Variants in ABLIM3 observed in about 807,000 individuals in gnomAD.
ABLIM3 encodes the protein actin-binding LIM protein 3.
ABLIM3 carries 61 observed loss-of-function variants against 109.5 expected under a neutral mutation model. The observed-to-expected ratio is 0.56, with a 90% confidence interval of 0.45 to 0.69. The LOEUF (loss-of-function observed/expected upper bound fraction) is 0.69. Among genes scored for constraint, ABLIM3 ranks in the 30% least tolerant of loss-of-function variants. The pLI, the probability that ABLIM3 is intolerant of heterozygous loss-of-function variation, is 0.00. For synonymous variants in ABLIM3, 300 were observed against 324.8 expected, an observed-to-expected ratio of 0.92 and a Z score of 0.82; for missense variants, 796 against 889.5, an observed-to-expected ratio of 0.89 and a Z score of 1.34.
chr5:149,193,197 T>C (rs10463415), intron 3 of ABLIM3, among the ~76,000 whole-genome samples: 46,556 of 151,970 alleles, frequency 0.31, 7,451 homozygotes, highest in East Asian at 0.52. Flanking sequence ...TTTTAGATTA[T>C]TGTGGTTGGC....
At chr5:149,159,064 G>C (rs1458642451) in intron 2 of ABLIM3, among the ~76,000 whole-genome samples, 2 of 152,124 alleles carry the variant, frequency 1.3e-5, no homozygotes, top group Non-Finnish European at 2.9e-5. Context: ...TCTGCAAAAA[G>C]ATTTATGCAA....
At chr5:149,194,677 G>A (rs929116837) in intron 3 of ABLIM3, among the ~76,000 whole-genome samples, 1 of 152,124 alleles carries the variant, frequency 6.6e-6, no homozygotes, top group Non-Finnish European at 1.5e-5. Flanking sequence ...AGCAGGCACG[G>A]GACAATTGCA....
chr5:149,248,689 C>CAAAAAAAAAAAAAAAAAAAAAAAAAAA (rs10659679), intron 18 of ABLIM3, among the ~76,000 whole-genome samples: 1 of 79,000 alleles, frequency 1.3e-5, no homozygotes, highest in Non-Finnish European at 2.3e-5. Context: ...GACTCTCTCT[C>CAAAAAAAAAAAAAAAAAAAAAAAAAAA]AAAAAAAAAA....
At chr5:149,170,684 C>T (rs1755332724) in intron 2 of ABLIM3, among the ~76,000 whole-genome samples, 2 of 152,076 alleles carry the variant, frequency 1.3e-5, no homozygotes, top group Admixed American at 1.3e-4. Flanking sequence ...TGCTGATACT[C>T]ACAGAGATTA....
chr5:149,169,425 C>T (rs1386550165), intron 2 of ABLIM3, among the ~76,000 whole-genome samples: 46 of 152,078 alleles, frequency 3.0e-4, no homozygotes, highest in Admixed American at 3.0e-3. Context: ...CCAAGAAAAC[C>T]TTCCCAGGAC....
At chr5:149,195,071 A>G in intron 3 of ABLIM3, among the ~76,000 whole-genome samples, 1 of 152,230 alleles carries the variant, frequency 6.6e-6, no homozygotes. Flanking sequence ...TCATTCAAAA[A>G]GTTGAAAATC....
At chr5:149,233,161 C>G in intron 9 of ABLIM3, 68 bp from the exon 10 acceptor site, 5 of 1,402,224 alleles carry the variant, frequency 3.6e-6, no homozygotes, top group South Asian at 3.5e-5. Flanking sequence ...TCTTAACCCC[C>G]TGTCTCACCC....
intron 6 of ABLIM3, among the ~76,000 whole-genome samples, chr5:149,210,346 G>A (rs1053886167): frequency 6.6e-6 from 1 of 152,160 alleles, no homozygotes; most frequent in Admixed American, 6.5e-5. Flanking sequence ...ACACAATGGG[G>A]ATACTAATAA....
intron 14 of ABLIM3, among the ~76,000 whole-genome samples, chr5:149,241,532 G>A (rs1167198988): frequency 2.6e-5 from 4 of 152,198 alleles, no homozygotes; most frequent in South Asian, 2.1e-4. Context: ...AGGCCGAGGC[G>A]TGTGGGTCAT....
At chr5:149,181,651 C>T (rs749383988) in intron 2 of ABLIM3, among the ~76,000 whole-genome samples, 1 of 152,162 alleles carries the variant, frequency 6.6e-6, no homozygotes, top group Non-Finnish European at 1.5e-5. Flanking sequence ...GGGAGATGAT[C>T]AGAAGTCCTG....
Position 149,198,368 on chromosome 5 carries a change from T to C in ABLIM3, c.301T>C (p.Tyr101His). Residue 101 changes from tyrosine (Y) to histidine (H), a missense_variant, in exon 4 of 24, where the codon TAC (tyrosine) becomes CAC (histidine). Coordinates refer to ENST00000309868, the MANE Select transcript of ABLIM3 (RefSeq NM_014945.5). The surrounding 1 kb of genome is among the most constrained non-coding windows in gnomAD (Gnocchi z 4.2). ...GEVISALGRT[Y>H]HPKCFVCSLC... is the part of the protein sequence containing the mutation. ...AGTCATCTCGGCCCTGGGCCGCACT[T>C]ACCACCCCAAGTGCTTCGTGTGCAG... 1.9e-6 allele frequency: 3 copies of C among 1,613,566 alleles called. No individual in the cohort carries two copies. The highest frequency in any genetic ancestry group is 2.5e-6 in the Non-Finnish European group (3 of 1,179,702).
intron 2 of ABLIM3, among the ~76,000 whole-genome samples, chr5:149,161,860 C>A (rs1172221500): frequency 6.6e-6 from 1 of 151,826 alleles, no homozygotes; most frequent in Non-Finnish European, 1.5e-5. Context: ...AGAAAGGGGT[C>A]TACTTTGTGT....
At chr5:149,216,933 C>A (rs746857963) in intron 7 of ABLIM3, 26 bp from the exon 8 acceptor site, 1 of 1,607,488 alleles carries the variant, frequency 6.2e-7, no homozygotes, top group Non-Finnish European at 8.5e-7. Context: ...GCTCTGACCT[C>A]CTGTTTCATC....
Position 149,183,541 on chromosome 5 carries a change from G to T in ABLIM3, c.103G>T (p.Val35Phe). ...RCGDTCKGEV[V>F]RVHNNHFHIR... Reference sequence around the variant, plus strand: ...TGGAGACACCTGCAAAGGGGAAGTGGTCCGCGTGCACAACAACCACTTCCA... The same window carrying T: ...TGGAGACACCTGCAAAGGGGAAGTGTTCCGCGTGCACAACAACCACTTCCA... The change falls in exon 3 of 24, where the codon GTC (valine) becomes TTC (phenylalanine). Residue 35 changes from valine to phenylalanine, a missense_variant. Val to Phe is a conservative substitution (Grantham distance 50, BLOSUM62 -1). Coordinates refer to ENST00000309868, the MANE Select transcript of ABLIM3 (RefSeq NM_014945.5). The T allele has an allele frequency of 6.3e-7, 1 of 1,595,560 alleles. No individual in the cohort carries two copies. The highest frequency in any genetic ancestry group is 8.5e-7 in the Non-Finnish European group (1 of 1,171,482).
rs189836468 is a variant in ABLIM3, at chr5:149,231,244, G to A, written c.816+537G>A. On this transcript the variant is annotated intron_variant, in intron 9 of 23. Coordinates refer to ENST00000309868, the MANE Select transcript of ABLIM3 (RefSeq NM_014945.5). ...AAGCACAGCCGACATCCCCAGGTACGCGCTGGGCCAGCTGAGGTCCTGTGT... is the reference window on the plus strand; with the variant it reads ...AAGCACAGCCGACATCCCCAGGTACACGCTGGGCCAGCTGAGGTCCTGTGT... 9.6e-4 allele frequency among the ~76,000 whole-genome samples: 146 copies of A among 152,300 alleles called. 5 individuals carry two copies. In the South Asian group the frequency reaches 0.024, roughly 25 times the overall value.
chr5:149,222,277 A>G (rs1760728630), intron 8 of ABLIM3, among the ~76,000 whole-genome samples: 1 of 152,096 alleles, frequency 6.6e-6, no homozygotes, highest in African/African-American at 2.4e-5. Context: ...GCTAAAAACT[A>G]TTAATGTCCT....
chr5:149,245,708 G>A (rs945548479), intron 16 of ABLIM3, among the ~76,000 whole-genome samples: 5 of 152,066 alleles, frequency 3.3e-5, no homozygotes, highest in Non-Finnish European at 5.9e-5. Context: ...TCCTGGTAAG[G>A]GGTCTCAGTG....
chr5:149,182,411 G>T (rs566243520), intron 2 of ABLIM3, among the ~76,000 whole-genome samples: 6 of 152,234 alleles, frequency 3.9e-5, no homozygotes, highest in South Asian at 2.1e-4. Flanking sequence ...TGCCACAGGG[G>T]TTTTCTATAG....
Position 149,200,376 on chromosome 5 carries a change from G to C in ABLIM3, c.396G>C (p.Thr132=). The C allele has an allele frequency of 1.9e-6, 3 of 1,614,150 alleles. No homozygotes were observed. The highest frequency in any genetic ancestry group is 2.5e-6 in the Non-Finnish European group (3 of 1,180,028). ...GCGGTAAAGAATGTGTGTGCCAAAC[G>C]TGCTCCCAGTCCATGGCCAGCAGTA... ...TFSGKECVCQ[T]CSQSMASSKP... Residue 132 remains threonine (T), a synonymous_variant, in exon 5 of 24, where the codon ACG becomes ACC. Coordinates refer to ENST00000309868, the MANE Select transcript of ABLIM3 (RefSeq NM_014945.5).
Sources: gnomAD v4.1 joint callset for allele counts (sites outside exome capture counted in the v4.1 genomes callset) on GRCh38, gnomAD v4.1.1 for gene constraint, Gnocchi (gnomAD v3.1) non-coding constraint, MANE v1.5 for transcripts, NCBI Gene and HGNC (gene_info 2026-07-23, HGNC 2026-07-21) for gene names.